Variants in LARGE1 observed in about 807,000 individuals in gnomAD.
LARGE1 encodes the protein xylosyl- and glucuronyltransferase LARGE1.
LARGE1 carries 43 observed loss-of-function variants against 87.6 expected under a neutral mutation model. The ratio of observed to expected loss-of-function variants is 0.49; its 90% CI spans 0.38 to 0.63. The LOEUF (loss-of-function observed/expected upper bound fraction) is 0.63. Ranked by LOEUF, LARGE1 falls within the 30% of genes least tolerant of loss-of-function variation. The probability of loss-of-function intolerance (pLI) is 0.00; values close to 1 mark genes in which losing one functional copy is unlikely to be tolerated. For missense variants in LARGE1, 802 were observed against 1,000.2 expected (o/e 0.80, Z 2.67); for synonymous variants, 434 against 394.6 (o/e 1.10, Z -1.18).
chr22:33,818,678 A>G (rs1184774082), intron 1 of LARGE1, among the ~76,000 whole-genome samples: 1 of 152,226 alleles, frequency 6.6e-6, no homozygotes, highest in African/African-American at 2.4e-5. Context: ...GCTGTGCTTC[A>G]TGGACCAGAA....
intron 1 of LARGE1, among the ~76,000 whole-genome samples, chr22:33,768,984 A>C (rs1046842140): frequency 6.6e-6 from 1 of 152,220 alleles, no homozygotes; most frequent in Non-Finnish European, 1.5e-5. Flanking sequence ...GTTAATAAAC[A>C]GAGCTGGCCA....
At chr22:33,794,542 G>A (rs1179435347) in intron 1 of LARGE1, among the ~76,000 whole-genome samples, 2 of 152,154 alleles carry the variant, frequency 1.3e-5, no homozygotes, top group Non-Finnish European at 2.9e-5. Flanking sequence ...TGTGGCCTTG[G>A]ACAAGTGGCA....
intron 2 of LARGE1, among the ~76,000 whole-genome samples, chr22:33,706,379 T>C (rs1166102666): frequency 6.6e-6 from 1 of 152,144 alleles, no homozygotes; most frequent in South Asian, 2.1e-4. Context: ...CATGGCACCA[T>C]CTGCACTGCA....
At chr22:33,546,341 C>A (rs1014593928) in intron 6 of LARGE1, among the ~76,000 whole-genome samples, 5 of 152,190 alleles carry the variant, frequency 3.3e-5, no homozygotes, top group African/African-American at 4.8e-5. Flanking sequence ...TTTGGAATGG[C>A]CTATTTGTTC....
At chr22:33,096,143 C>T in the LARGE1 span, among the ~76,000 whole-genome samples, 1 of 152,128 alleles carries the variant, frequency 6.6e-6, no homozygotes, top group East Asian at 1.9e-4. Context: ...AGGCCAGGCG[C>T]GGTGGCTCAT....
chr22:33,488,086 T>C (rs1569206900), intron 6 of LARGE1, among the ~76,000 whole-genome samples: 1 of 152,206 alleles, frequency 6.6e-6, no homozygotes, highest in Non-Finnish European at 1.5e-5. Context: ...ACTTTGCTGG[T>C]GCCCAAAGGA....
intron 2 of LARGE1, among the ~76,000 whole-genome samples, chr22:33,722,882 C>T (rs1268030542): frequency 6.6e-6 from 1 of 151,984 alleles, no homozygotes; most frequent in Non-Finnish European, 1.5e-5. Context: ...TGATTGGGGT[C>T]GCAAGTGGGA....
At chr22:33,574,736 G>A (rs2078303627) in intron 5 of LARGE1, among the ~76,000 whole-genome samples, 1 of 121,814 alleles carries the variant, frequency 8.2e-6, no homozygotes, top group East Asian at 2.5e-4. Context: ...GTGTGTGTGT[G>A]TAAAATAACT....
intron 12 of LARGE1, among the ~76,000 whole-genome samples, chr22:33,284,021 G>C (rs1026461414): frequency 9.2e-5 from 14 of 152,174 alleles, no homozygotes; most frequent in Non-Finnish European, 1.2e-4. Flanking sequence ...AGAGTGGAAT[G>C]GGATCTGCTG....
intron 2 of LARGE1, among the ~76,000 whole-genome samples, chr22:33,669,763 G>A (rs2081358885): frequency 6.6e-6 from 1 of 152,182 alleles, no homozygotes; most frequent in Non-Finnish European, 1.5e-5. Context: ...AATATGCCAG[G>A]AGTCTGAGCC....
At chr22:33,521,532 T>C (rs2071594183) in intron 6 of LARGE1, among the ~76,000 whole-genome samples, 1 of 152,156 alleles carries the variant, frequency 6.6e-6, no homozygotes, top group African/African-American at 2.4e-5. Context: ...TCTCTGCTTG[T>C]GTCATGCTCA....
chr22:33,447,637 A>C (rs1266765645), intron 6 of LARGE1, among the ~76,000 whole-genome samples: 2 of 152,224 alleles, frequency 1.3e-5, no homozygotes, highest in Non-Finnish European at 2.9e-5. Context: ...GGCTCTGCCA[A>C]AGAGGCGGTG....
intron 11 of LARGE1, among the ~76,000 whole-genome samples, chr22:33,211,544 G>A (rs576051570): frequency 2.0e-5 from 3 of 152,006 alleles, no homozygotes; most frequent in Admixed American, 6.6e-5. Context: ...AGGCCGAGGC[G>A]ATGGATCACC....
At chr22:33,463,134 C>T (rs529988715) in intron 6 of LARGE1, among the ~76,000 whole-genome samples, 27 of 151,214 alleles carry the variant, frequency 1.8e-4, no homozygotes, top group Non-Finnish European at 3.2e-4. Flanking sequence ...TATCAAGTGG[C>T]AGAAATAACA....
In LARGE1 at chr22:33,350,862, C is replaced by T. The variant is rs887246862; in HGVS notation, c.1132-13061G>A. Among the ~76,000 whole-genome samples, 25 of 152,288 alleles carry T rather than the reference C, an allele frequency of 1.6e-4. No homozygotes were observed. The South Asian group carries it at 5.0e-3, about 30-fold the overall frequency. ...CAGCTGACCAGTGAGTCATTCCTGA[C>T]CATTCCTAAGAACACAGGGATGGGT... On this transcript the variant is annotated intron_variant, in intron 9 of 14. Coordinates refer to ENST00000397394, the MANE Select transcript of LARGE1 (RefSeq NM_133642.5).
the LARGE1 span, among the ~76,000 whole-genome samples, chr22:33,115,450 A>C: frequency 6.9e-6 from 1 of 145,642 alleles, no homozygotes; most frequent in African/African-American, 2.8e-5. Flanking sequence ...ACTACCTCTC[A>C]AAGAAAAAAA....
rs1439986688 is a variant in LARGE1 at position 33,170,168 on chromosome 22, A to AACTT, written c.1731-3337_1731-3336insAAGT. 1.1e-4 allele frequency among the ~76,000 whole-genome samples: 17 copies of AACTT among 152,186 alleles called. No individual in the cohort carries two copies. The East Asian group carries it at 3.3e-3, about 30-fold the overall frequency. On this transcript the variant is annotated intron_variant, in intron 11 of 11. Coordinates refer to the LARGE1 transcript ENST00000608642. Reference sequence around the variant, plus strand: ...AGGATCACTTGAGGTCAGGAGTTCTAGACCAGCCTGGCCAACATGATGAAT... The same window carrying AACTT: ...AGGATCACTTGAGGTCAGGAGTTCTAACTTGACCAGCCTGGCCAACATGATGAAT...
intron 1 of LARGE1, among the ~76,000 whole-genome samples, chr22:33,817,375 A>G (rs1012380526): frequency 3.3e-5 from 5 of 152,142 alleles, no homozygotes; most frequent in Admixed American, 6.6e-5. Context: ...TGCTTGAAAT[A>G]GCTCTATGAG....
the LARGE1 span, among the ~76,000 whole-genome samples, chr22:33,136,934 T>TAAA: frequency 6.1e-5 from 9 of 147,894 alleles, no homozygotes; most frequent in South Asian, 4.3e-4. Context: ...AATATTAAGG[T>TAAA]AAAAAAAAAA....
Sources: allele counts gnomAD v4.1 joint callset (sites outside exome capture counted in the v4.1 genomes callset), GRCh38; gene constraint gnomAD v4.1.1; transcripts MANE v1.5; gene names NCBI Gene and HGNC (gene_info 2026-07-23, HGNC 2026-07-21).